QKI: variants seen among roughly 807,000 people sequenced by gnomAD.
QKI encodes KH domain-containing RNA-binding protein QKI.
QKI carries 10 observed loss-of-function variants against 39.0 expected under a neutral mutation model. The ratio of observed to expected loss-of-function variants is 0.26; its 90% confidence interval spans 0.16 to 0.43. The LOEUF (loss-of-function observed/expected upper bound fraction) is 0.43. QKI is among the 20% of genes least tolerant of loss of function. The pLI, the probability that QKI is intolerant of heterozygous loss-of-function variation, is 1.00. For missense variants in QKI, 218 were observed against 428.0 expected (o/e 0.51, Z 4.33); for synonymous variants, 204 against 155.4 (o/e 1.31, Z -2.33).
In QKI at chr6:163,574,660, G is replaced by A. The variant is rs1245564982; in HGVS notation, c.*3950G>A. 1 of 152,062 alleles carries A rather than the reference G, an allele frequency of 6.6e-6. No homozygotes were observed. The highest frequency in any genetic ancestry group is 2.4e-5 in the African/African-American group (1 of 41,378). The allele number at this position is 152,062 out of a possible 1,614,324, so 9.4% of individuals were successfully genotyped here. On this transcript the variant is annotated 3_prime_UTR_variant, in exon 8 of 8. Transcript: ENST00000361752. ...TCTTAAATATCTTCATGCTTTTCTT[G>A]GCTGGAACTTGGGTAAATTAACCTG... is the stretch of plus-strand genomic sequence containing the variant.
intron 2 of QKI, among the ~76,000 whole-genome samples, chr6:163,457,129 T>G (rs1446056591): frequency 6.6e-6 from 1 of 152,202 alleles, no homozygotes; most frequent in African/African-American, 2.4e-5. Flanking sequence ...AGCAACTGTC[T>G]GTTTTGCTTA....
chr6:163,419,001 C>G (rs1386640134), intron 1 of QKI, among the ~76,000 whole-genome samples: 1 of 152,014 alleles, frequency 6.6e-6, no homozygotes, highest in Non-Finnish European at 1.5e-5. Context: ...AACAGTCAAT[C>G]TTTTTATCGT....
intron 1 of QKI, among the ~76,000 whole-genome samples, chr6:163,417,735 C>G (rs1463391549): frequency 6.6e-6 from 1 of 152,140 alleles, no homozygotes; most frequent in Non-Finnish European, 1.5e-5. Flanking sequence ...CATCTCTTGT[C>G]TTGCTATCTT....
Position 163,524,274 on chromosome 6 carries a change from A to T in QKI, c.403-10708A>T, listed in dbSNP as rs1380642832. Among the ~76,000 whole-genome samples the T allele has an allele frequency of 5.9e-5, 9 of 152,312 alleles. No individual in the cohort carries two copies. The East Asian group carries it at 1.5e-3, about 26-fold the overall frequency. On this transcript the variant is annotated intron_variant, in intron 3 of 7. Transcript: ENST00000361752. ...AAGCTTTTTCTTAAAAAATGTATTT[A>T]AAAATAATTTTATTTTCATGTAATG...
Position 163,565,993 on chromosome 6 carries a change from T to C in QKI, c.935-728T>C, listed in dbSNP as rs199845987. On this transcript the variant is annotated intron_variant, in intron 6 of 7. Transcript: ENST00000361752. ...CTAAGAATTCAAGAACGGTCTTAACTGAACCCTCATCAGATCTGAATTTAA... is the reference window on the plus strand; with the variant it reads ...CTAAGAATTCAAGAACGGTCTTAACCGAACCCTCATCAGATCTGAATTTAA... 89 of 1,612,398 alleles carry C rather than the reference T, an allele frequency of 5.5e-5. 1 individual carries two copies. In the East Asian group the frequency reaches 2.0e-3, roughly 36 times the overall value.
chr6:163,547,594 A>G (rs1235794750), intron 4 of QKI, among the ~76,000 whole-genome samples: 1 of 152,140 alleles, frequency 6.6e-6, no homozygotes, highest in Non-Finnish European at 1.5e-5. Context: ...GAAAACTAAA[A>G]TCACATTCTT....
At chr6:163,553,687 T>A (rs1782406700) in intron 4 of QKI, among the ~76,000 whole-genome samples, 1 of 152,216 alleles carries the variant, frequency 6.6e-6, no homozygotes. Flanking sequence ...TATTTAGCAT[T>A]AGAAGAAGTA....
chr6:163,539,553 C>T (rs186393920), intron 4 of QKI, among the ~76,000 whole-genome samples: 58 of 152,218 alleles, frequency 3.8e-4, no homozygotes, highest in Non-Finnish European at 7.4e-4. Context: ...TCCATTACCC[C>T]TAAAGGTGCC....
intron 3 of QKI, among the ~76,000 whole-genome samples, chr6:163,480,836 T>C (rs555730337): frequency 2.6e-5 from 4 of 152,332 alleles, no homozygotes; most frequent in Non-Finnish European, 4.4e-5. Flanking sequence ...CTGGCAGATA[T>C]ATAAATCTGT....
At chr6:163,567,573 C>G (rs1783438808) in intron 7 of QKI, 1 of 983,344 alleles carries the variant, frequency 1.0e-6, no homozygotes, top group Non-Finnish European at 1.2e-6. Context: ...CATTTTTCTC[C>G]TTTACAACTT....
intron 1 of QKI, among the ~76,000 whole-genome samples, chr6:163,440,871 G>GT (rs370250672): frequency 0.24 from 34,955 of 148,186 alleles, 4,114 homozygotes; most frequent in Middle Eastern, 0.29. Context: ...TGGTAAGACA[G>GT]TTTTTTTTTT....
At chr6:163,506,726 A>G (rs1779118297) in intron 3 of QKI, among the ~76,000 whole-genome samples, 1 of 152,192 alleles carries the variant, frequency 6.6e-6, no homozygotes, top group Non-Finnish European at 1.5e-5. Context: ...TGCCTGGCAC[A>G]TTGTAGACAC....
chr6:163,428,433 AAAAT>A (rs1178330149), intron 1 of QKI, among the ~76,000 whole-genome samples: 5 of 152,310 alleles, frequency 3.3e-5, no homozygotes, highest in African/African-American at 1.2e-4. Context: ...TCTGTTTATT[AAAAT>A]AAATCAGAAG....
At chr6:163,421,337 T>C (rs1396568249) in intron 1 of QKI, among the ~76,000 whole-genome samples, 2 of 152,238 alleles carry the variant, frequency 1.3e-5, no homozygotes, top group Admixed American at 6.5e-5. Flanking sequence ...TCAGTCCTTA[T>C]ACCAAAGGGT....
At chr6:163,459,815 TAA>T (rs1791212597) in intron 2 of QKI, among the ~76,000 whole-genome samples, 1 of 152,158 alleles carries the variant, frequency 6.6e-6, no homozygotes, top group Non-Finnish European at 1.5e-5. Context: ...TTGAAGACTT[TAA>T]GTTTCTCATG....
intron 4 of QKI, among the ~76,000 whole-genome samples, chr6:163,546,280 T>C (rs1781869047): frequency 6.6e-6 from 1 of 151,884 alleles, no homozygotes. Flanking sequence ...TTGCATGCCC[T>C]TCTGATGGTG....
At chr6:163,469,873 C>T (rs1402160234) in intron 2 of QKI, among the ~76,000 whole-genome samples, 1 of 152,134 alleles carries the variant, frequency 6.6e-6, no homozygotes, top group Non-Finnish European at 1.5e-5. Flanking sequence ...TTCAGATCCT[C>T]ATTTCAACAT....
chr6:163,422,819 G>A (rs1483444958), intron 1 of QKI, among the ~76,000 whole-genome samples: 3 of 152,208 alleles, frequency 2.0e-5, no homozygotes, highest in Non-Finnish European at 4.4e-5. Context: ...TTTTGCTTTA[G>A]TGCAGGAGAG....
At chr6:163,498,608 C>T (rs113268404) in intron 3 of QKI, among the ~76,000 whole-genome samples, 3 of 151,988 alleles carry the variant, frequency 2.0e-5, no homozygotes, top group Admixed American at 2.0e-4. Context: ...CCCTCTTTCC[C>T]TCCTCTCCCC....
Sources: gnomAD v4.1 joint callset for allele counts (sites outside exome capture counted in the v4.1 genomes callset) on GRCh38, gnomAD v4.1.1 for gene constraint, MANE v1.5 for transcripts, NCBI Gene and HGNC (gene_info 2026-07-23, HGNC 2026-07-21) for gene names.